The following THAP2 variants were observed in gnomAD, a reference collection of about 807,000 sequenced individuals.
THAP2 encodes THAP domain containing 2.
A neutral mutation model predicts 18.8 loss-of-function variants in THAP2; 16 were observed. The observed-to-expected ratio is 0.85, with a 90% confidence interval of 0.58 to 1.29. THAP2 has a LOEUF of 1.29. Among genes scored for constraint, THAP2 ranks in the 50% most tolerant of loss-of-function variants. The probability of loss-of-function intolerance (pLI) is 0.00; values close to 1 mark genes in which losing one functional copy is unlikely to be tolerated. For missense variants in THAP2, 251 were observed against 265.3 expected (o/e 0.95, Z 0.38); for synonymous variants, 80 against 89.2 (o/e 0.90, Z 0.58).
chr12:71,664,341 C>T lies in THAP2; in HGVS notation c.-169C>T. Reference sequence around the variant, plus strand: ...TAAAGAGAAAGGGAAGGCTGACCGTCCTTCGCCTCCGCCCCCACATACACA... The same window carrying T: ...TAAAGAGAAAGGGAAGGCTGACCGTTCTTCGCCTCCGCCCCCACATACACA... On this transcript the variant is annotated 5_prime_UTR_variant, in exon 1 of 3. Transcript: ENST00000308086. The T allele has an allele frequency of 1.4e-6, 1 of 696,278 alleles. No individual in the cohort carries two copies. The highest frequency in any genetic ancestry group is 2.4e-6 in the Non-Finnish European group (1 of 410,250). The allele number at this position is 696,278 out of a possible 1,614,324, so 43.1% of individuals were successfully genotyped here.
intron 1 of THAP2, among the ~76,000 whole-genome samples, chr12:71,672,560 A>G (rs979413644): frequency 2.6e-5 from 4 of 152,148 alleles, no homozygotes; most frequent in African/African-American, 9.7e-5. Context: ...CATTTCCAAT[A>G]CAGAATAGAA....
At chr12:71,670,819 A>T (rs1421224908) in intron 1 of THAP2, among the ~76,000 whole-genome samples, 1 of 151,444 alleles carries the variant, frequency 6.6e-6, no homozygotes, top group African/African-American at 2.4e-5. Context: ...GGCGCCTGTA[A>T]TCCCAGCTAC....
intron 1 of THAP2, among the ~76,000 whole-genome samples, chr12:71,667,006 A>G (rs1881354668): frequency 6.6e-6 from 1 of 152,224 alleles, no homozygotes; most frequent in Non-Finnish European, 1.5e-5. Context: ...TGTTGGGATT[A>G]CAGGCGTAAG....
At chr12:71,667,443 A>G (rs899747430) in intron 1 of THAP2, 1 of 152,066 alleles carries the variant, frequency 6.6e-6, no homozygotes, top group African/African-American at 2.4e-5. Flanking sequence ...CCAAGTGTCT[A>G]CTCAGTATTT....
chr12:71,670,744 G>A (rs1193867058), intron 1 of THAP2, among the ~76,000 whole-genome samples: 5 of 151,916 alleles, frequency 3.3e-5, no homozygotes, highest in East Asian at 1.9e-4. Context: ...TTCAAGACCA[G>A]CCTGGCCAAC....
chr12:71,664,850 T>G (rs1315769198), intron 1 of THAP2: 1 of 702,722 alleles, frequency 1.4e-6, no homozygotes, highest in Non-Finnish European at 2.6e-6. Context: ...AATTTTCTAC[T>G]GTTTTATTCC....
intron 1 of THAP2, chr12:71,664,870 C>A (rs1470649308): frequency 1.4e-6 from 1 of 702,496 alleles, no homozygotes; most frequent in South Asian, 1.5e-5. Context: ...CTCTGTTAGA[C>A]CGGGCCTTGA....
intron 1 of THAP2, chr12:71,665,117 G>A: frequency 1.7e-6 from 1 of 589,180 alleles, no homozygotes; most frequent in Non-Finnish European, 3.0e-6. Flanking sequence ...TACTAGAATA[G>A]AGTAATAAAA....
At chr12:71,674,630 T>A (rs1417357581) in intron 2 of THAP2, among the ~76,000 whole-genome samples, 1 of 152,148 alleles carries the variant, frequency 6.6e-6, no homozygotes, top group African/African-American at 2.4e-5. Flanking sequence ...TATTACCCAT[T>A]ATTATTAATA....
chr12:71,673,289 T>G (rs1881471785), intron 1 of THAP2, among the ~76,000 whole-genome samples: 1 of 152,246 alleles, frequency 6.6e-6, no homozygotes, highest in Middle Eastern at 3.4e-3. Flanking sequence ...TTTTTCTTAA[T>G]TTTTTTGATG....
chr12:71,673,509 ATAAT>A (rs1314719152), intron 1 of THAP2, among the ~76,000 whole-genome samples: 1 of 152,196 alleles, frequency 6.6e-6, no homozygotes, highest in South Asian at 2.1e-4. Context: ...GCTGCACTAC[ATAAT>A]TAAAGAGTTG....
At position 71,664,357 on chromosome 12, in the gene THAP2, C is replaced by T. The variant is rs1199864126; in HGVS notation, c.-153C>T. 2.4e-6 allele frequency: 2 copies of T among 827,686 alleles called. No individual in the cohort carries two copies. Among genetic ancestry groups the T allele is most frequent in the Non-Finnish European group, 3.9e-6 (2 of 509,364 alleles). 51.3% of individuals were successfully genotyped at this position (827,686 alleles called of 1,614,324 possible). On this transcript the variant is annotated 5_prime_UTR_variant, in exon 1 of 3. Coordinates refer to ENST00000308086, the MANE Select transcript of THAP2 (RefSeq NM_031435.4). The stretch of plus-strand genomic sequence containing the variant: ...GCTGACCGTCCTTCGCCTCCGCCCC[C>T]ACATACACACCCCTTCTTCCCACTC...
At chr12:71,676,426 T>C (rs1881520628) in intron 2 of THAP2, among the ~76,000 whole-genome samples, 1 of 152,058 alleles carries the variant, frequency 6.6e-6, no homozygotes, top group Non-Finnish European at 1.5e-5. Context: ...GGAAGAAACC[T>C]TGGACGTCCA....
Position 71,677,268 on chromosome 12 carries a change from T to A in THAP2, c.*160T>A, listed in dbSNP as rs1020238029. The A allele has an allele frequency of 1.4e-5, 9 of 646,272 alleles. No individual in the cohort carries two copies. In the African/African-American group the frequency reaches 1.7e-4, roughly 12 times the overall value. The allele number at this position is 646,272 out of a possible 1,614,324, so 40.0% of individuals were successfully genotyped here. On this transcript the variant is annotated 3_prime_UTR_variant, in exon 3 of 3. Coordinates refer to ENST00000308086, the MANE Select transcript of THAP2 (RefSeq NM_031435.4). ...TTACAAAAGAATAAAAAACTTCATATGGAAATTTTATTTGAAAATGAGTGG... is the reference window on the plus strand; with the variant it reads ...TTACAAAAGAATAAAAAACTTCATAAGGAAATTTTATTTGAAAATGAGTGG...
At chr12:71,672,853 A>G (rs1175424345) in intron 1 of THAP2, among the ~76,000 whole-genome samples, 5 of 152,194 alleles carry the variant, frequency 3.3e-5, no homozygotes, top group African/African-American at 1.2e-4. Context: ...GTATTGCACT[A>G]AATACAATGA....
At position 71,664,403 on chromosome 12, in the gene THAP2, C is replaced by T. The variant is rs554319321; in HGVS notation, c.-107C>T. 6.4e-6 allele frequency: 9 copies of T among 1,415,372 alleles called. No homozygotes were observed. In the East Asian group the frequency reaches 2.0e-4, roughly 32 times the overall value. The allele number at this position is 1,415,372 out of a possible 1,614,324, so 87.7% of individuals were successfully genotyped here. On this transcript the variant is annotated 5_prime_UTR_variant, in exon 1 of 3. Coordinates refer to ENST00000308086, the MANE Select transcript of THAP2 (RefSeq NM_031435.4). ...CACTCCGCTCTCACGACTAAGCTCT[C>T]ACGATTAAGGCACGCCTGCCTCGAT...
At chr12:71,669,311 C>T (rs1417483451) in intron 1 of THAP2, among the ~76,000 whole-genome samples, 1 of 152,152 alleles carries the variant, frequency 6.6e-6, no homozygotes, top group African/African-American at 2.4e-5. Flanking sequence ...AGATAGGATT[C>T]CTAAACAGTC....
Position 71,677,316 on chromosome 12 carries a change from G to A in THAP2, c.*208G>A, listed in dbSNP as rs962321621. The A allele has an allele frequency of 8.8e-5, 36 of 409,654 alleles. No homozygotes were observed. The highest frequency in any genetic ancestry group is 1.0e-4 in the African/African-American group (5 of 48,290). The allele number at this position is 409,654 out of a possible 1,614,324, so 25.4% of individuals were successfully genotyped here. The stretch of plus-strand genomic sequence containing the variant: ...TGGAAGTGCCTTACATTAGAATTAC[G>A]GACTTAAAAATTTTGCTAATAAATT... On this transcript the variant is annotated 3_prime_UTR_variant, in exon 3 of 3. Coordinates refer to ENST00000308086, the MANE Select transcript of THAP2 (RefSeq NM_031435.4).
At position 71,678,783 on chromosome 12, in the gene THAP2, G is replaced by T. The variant is rs1399005175; in HGVS notation, c.*1675G>T. ...GAATGCCTCCCAAGGAAATGCAAAG[G>T]TAGGAAAAGTCTCTTAGAATGCCCA... On this transcript the variant is annotated 3_prime_UTR_variant, in exon 3 of 3. Transcript: ENST00000308086. 1 of 152,162 alleles carries T rather than the reference G, an allele frequency of 6.6e-6. No homozygotes were observed. Among genetic ancestry groups the T allele is most frequent in the Non-Finnish European group, 1.5e-5 (1 of 68,004 alleles). The allele number at this position is 152,162 out of a possible 1,614,324, so 9.4% of individuals were successfully genotyped here.
Sources: gnomAD v4.1 joint callset for allele counts (sites outside exome capture counted in the v4.1 genomes callset) on GRCh38, gnomAD v4.1.1 for gene constraint, MANE v1.5 for transcripts, NCBI Gene and HGNC (gene_info 2026-07-23, HGNC 2026-07-21) for gene names.